Variants in METTL8 observed in about 807,000 individuals in gnomAD.
The protein encoded by METTL8 is tRNA N(3)-cytidine methyltransferase METTL8, mitochondrial.
Under a neutral mutation model 48.7 loss-of-function variants are expected in METTL8, and 32 were observed. The observed-to-expected ratio is 0.66, with a 90% confidence interval of 0.50 to 0.88. The LOEUF is 0.88. METTL8 is among the 40% of genes least tolerant of loss of function. The pLI, the probability that METTL8 is intolerant of heterozygous loss-of-function variation, is 0.00. For missense variants in METTL8, 464 were observed against 474.4 expected (o/e 0.98, Z 0.20); for synonymous variants, 136 against 157.1 (o/e 0.87, Z 1.01).
chr2:171,387,793 CTAAT>C (rs1688220776), intron 2 of METTL8, among the ~76,000 whole-genome samples: 1 of 151,960 alleles, frequency 6.6e-6, no homozygotes, highest in Non-Finnish European at 1.5e-5. Context: ...TAGTGTAGAA[CTAAT>C]TAATTAAAAA....
At position 171,319,273 on chromosome 2, in the gene METTL8, A is replaced by T. The variant is rs552160494; in HGVS notation, c.*4899T>A. The T allele has an allele frequency of 6.6e-6, 1 of 152,242 alleles. No individual in the cohort carries two copies. Among genetic ancestry groups the T allele is most frequent in the Non-Finnish European group, 1.5e-5 (1 of 68,044 alleles). 9.4% of individuals were successfully genotyped at this position (152,242 alleles called of 1,614,324 possible). A position where few individuals can be genotyped will look rare whatever the true frequency, so the allele number is the denominator to read the frequency against. ...ACAAGCGGGGAAAATACCCACGCCA[A>T]CACTAAGTCTCCTGATGACTAACAG... is the stretch of plus-strand genomic sequence containing the variant. On this transcript the variant is annotated 3_prime_UTR_variant, in exon 10 of 10. Transcript: ENST00000375258.
chr2:171,336,341 C>T (rs1204142660), intron 5 of METTL8, among the ~76,000 whole-genome samples: 5 of 150,428 alleles, frequency 3.3e-5, no homozygotes, highest in East Asian at 1.9e-4. Flanking sequence ...GTGATTTGCC[C>T]GCCTTGGCCT....
chr2:171,337,448 C>T lies in METTL8; in HGVS notation c.656+5G>A, dbSNP rs1686239481. 1 of 1,589,444 alleles carries T rather than the reference C, an allele frequency of 6.3e-7. No individual in the cohort carries two copies. Among genetic ancestry groups the T allele is most frequent in the Non-Finnish European group, 8.6e-7 (1 of 1,167,510 alleles). On this transcript the variant is annotated splice_donor_5th_base_variant and intron_variant, in intron 5 of 9. Coordinates refer to ENST00000375258, the MANE Select transcript of METTL8 (RefSeq NM_001321154.2). ...TTCTGTAGAAAGAAAACTCTTAAAACTCACTCCAAAGTGTTCAAAATTGGA... is the reference window on the plus strand; with the variant it reads ...TTCTGTAGAAAGAAAACTCTTAAAATTCACTCCAAAGTGTTCAAAATTGGA...
At chr2:171,330,784 T>G in intron 6 of METTL8, 86 bp from the exon 7 acceptor site, 1 of 1,143,864 alleles carries the variant, frequency 8.7e-7, no homozygotes, top group Non-Finnish European at 1.2e-6. Flanking sequence ...GGTCAAATTT[T>G]TAACCTTTTC....
intron 1 of METTL8, among the ~76,000 whole-genome samples, chr2:171,410,353 C>T (rs1690624971): frequency 1.3e-5 from 2 of 152,174 alleles, no homozygotes; most frequent in South Asian, 4.1e-4. Flanking sequence ...TCCCAAATAG[C>T]TGAAACATTG....
At chr2:171,330,921 C>T (rs1262426569) in intron 6 of METTL8, among the ~76,000 whole-genome samples, 1 of 152,072 alleles carries the variant, frequency 6.6e-6, no homozygotes, top group Non-Finnish European at 1.5e-5. Context: ...CTTCGCAATC[C>T]CTCTTTAACT....
At chr2:171,361,179 T>C (rs1218327267) in intron 2 of METTL8, among the ~76,000 whole-genome samples, 1 of 152,160 alleles carries the variant, frequency 6.6e-6, no homozygotes, top group Non-Finnish European at 1.5e-5. Context: ...CACAAAAATG[T>C]CTTTCTTGGA....
chr2:171,370,954 T>A (rs2105500909), intron 2 of METTL8, among the ~76,000 whole-genome samples: 1 of 152,270 alleles, frequency 6.6e-6, no homozygotes, highest in Non-Finnish European at 1.5e-5. Context: ...GTGGACATAT[T>A]ACACTTCGTA....
intron 1 of METTL8, among the ~76,000 whole-genome samples, chr2:171,426,052 G>A (rs976339115): frequency 1.3e-5 from 2 of 152,150 alleles, no homozygotes; most frequent in African/African-American, 4.8e-5. Flanking sequence ...AGCTACACAG[G>A]AGGCTGAGGC....
intron 1 of METTL8, among the ~76,000 whole-genome samples, chr2:171,411,966 T>C (rs1690797569): frequency 6.6e-6 from 1 of 152,216 alleles, no homozygotes; most frequent in African/African-American, 2.4e-5. Flanking sequence ...GCTAATGCTA[T>C]GAATAAGCAT....
At chr2:171,399,256 A>T (rs922270329) in intron 1 of METTL8, among the ~76,000 whole-genome samples, 5 of 152,198 alleles carry the variant, frequency 3.3e-5, no homozygotes, top group African/African-American at 1.2e-4. Flanking sequence ...AAAGGAAATG[A>T]AGCTCATTCA....
chr2:171,418,117 G>C (rs1191996041), intron 1 of METTL8, among the ~76,000 whole-genome samples: 1 of 152,072 alleles, frequency 6.6e-6, no homozygotes, highest in Non-Finnish European at 1.5e-5. Flanking sequence ...CTAATTTTTT[G>C]TATTTTTAGT....
intron 1 of METTL8, among the ~76,000 whole-genome samples, chr2:171,429,808 C>T (rs375908973): frequency 2.0e-5 from 3 of 151,874 alleles, no homozygotes; most frequent in East Asian, 1.9e-4. Flanking sequence ...GGGAGGCAGA[C>T]GCAGGCAGAT....
At chr2:171,411,241 A>G (rs1479250205) in intron 1 of METTL8, among the ~76,000 whole-genome samples, 1 of 152,256 alleles carries the variant, frequency 6.6e-6, no homozygotes, top group East Asian at 1.9e-4. Context: ...CTATAAAATT[A>G]AAGTAATTCC....
rs145091494 is a variant in METTL8 at position 171,391,944 on chromosome 2, C to T, written c.143+99G>A. ...TGGACCTCTACAACATGAGTTAGGT[C>T]ATCAGCTTTAAAAACCCTTTCTTAA... On this transcript the variant is annotated intron_variant, in intron 2 of 9. Transcript: ENST00000375258. 1,573 of 1,219,280 alleles carry T rather than the reference C, an allele frequency of 1.3e-3. 20 individuals are homozygous for T. In the East Asian group the frequency reaches 0.017, roughly 13 times the overall value. The allele number at this position is 1,219,280 out of a possible 1,614,324, so 75.5% of individuals were successfully genotyped here. A position where few individuals can be genotyped will look rare whatever the true frequency, so the allele number is the denominator to read the frequency against.
At chr2:171,381,714 A>G (rs2105531439) in intron 2 of METTL8, among the ~76,000 whole-genome samples, 1 of 152,064 alleles carries the variant, frequency 6.6e-6, no homozygotes, top group African/African-American at 2.4e-5. Flanking sequence ...ATCTCACGAG[A>G]GTCGGAATGG....
chr2:171,400,822 T>G (rs912716644), intron 1 of METTL8, among the ~76,000 whole-genome samples: 1 of 152,092 alleles, frequency 6.6e-6, no homozygotes, highest in African/African-American at 2.4e-5. Context: ...ACCAAAGAAA[T>G]AGAGCAAACA....
At chr2:171,402,687 C>G (rs1426021736) in intron 1 of METTL8, among the ~76,000 whole-genome samples, 1 of 151,956 alleles carries the variant, frequency 6.6e-6, no homozygotes, top group Non-Finnish European at 1.5e-5. Flanking sequence ...ACAAGCACAC[C>G]CAGTACCCAG....
At chr2:171,359,831 T>C (rs1309663568) in intron 3 of METTL8, among the ~76,000 whole-genome samples, 2 of 152,172 alleles carry the variant, frequency 1.3e-5, no homozygotes, top group Non-Finnish European at 2.9e-5. Context: ...GACCTTGTGA[T>C]CTGCCCACCT....
Sources: allele counts gnomAD v4.1 joint callset (sites outside exome capture counted in the v4.1 genomes callset), GRCh38; gene constraint gnomAD v4.1.1; transcripts MANE v1.5; gene names NCBI Gene and HGNC (gene_info 2026-07-23, HGNC 2026-07-21).